The following WIPF2 variants were observed in gnomAD, a reference collection of about 807,000 sequenced individuals.
The protein encoded by WIPF2 is WAS/WASL-interacting protein family member 2.
Under a neutral mutation model 38.8 loss-of-function variants are expected in WIPF2, and 23 were observed. The observed-to-expected ratio is 0.59, with a 90% CI of 0.43 to 0.84. The LOEUF is 0.84. Ranked by LOEUF, WIPF2 falls within the 40% of genes least tolerant of loss-of-function variation. The pLI, the probability that WIPF2 is intolerant of heterozygous loss-of-function variation, is 0.00. For missense variants in WIPF2, 574 were observed against 580.5 expected (o/e 0.99, Z 0.11); for synonymous variants, 210 against 223.2 (o/e 0.94, Z 0.53).
chr17:40,243,755 G>A (rs1234455785), intron 1 of WIPF2, among the ~76,000 whole-genome samples: 8 of 151,554 alleles, frequency 5.3e-5, no homozygotes, highest in African/African-American at 1.7e-4. Flanking sequence ...TCCTGACCTC[G>A]GGTGATCCAC....
intron 1 of WIPF2, among the ~76,000 whole-genome samples, chr17:40,231,297 G>A (rs1232359900): frequency 6.6e-6 from 1 of 152,044 alleles, no homozygotes; most frequent in African/African-American, 2.4e-5. Context: ...CATGACACTT[G>A]TCTCCATGTG....
rs1009655826 is a variant in WIPF2 at position 40,222,573 on chromosome 17, A to ATGTG, written c.-70+3091_-70+3094dup. On this transcript the variant is annotated intron_variant, in intron 1 of 7. Transcript: ENST00000323571. ...CTGTTTCTTCCTCTTAGCCTTGCTC[A>ATGTG]TGTGTGTGTGTGTTTGTGTGTGTGT... Among the ~76,000 whole-genome samples, 10 of 140,052 alleles carry ATGTG rather than the reference A, an allele frequency of 7.1e-5. No homozygotes were observed. In the South Asian group the frequency reaches 1.4e-3, roughly 20 times the overall value. 91.9% of individuals were successfully genotyped at this position (140,052 alleles called of 152,430 possible).
chr17:40,222,234 A>G (rs2030264657), intron 1 of WIPF2, among the ~76,000 whole-genome samples: 1 of 151,342 alleles, frequency 6.6e-6, no homozygotes. Flanking sequence ...TTGTATTTTT[A>G]GTAGAGACAG....
At position 40,283,400 on chromosome 17, in the gene WIPF2, A is replaced by G. The variant is rs1378164827; in HGVS notation, c.*5175A>G. The G allele has an allele frequency of 6.6e-6, 1 of 151,770 alleles. No homozygotes were observed. The highest frequency in any genetic ancestry group is 1.5e-5 in the Non-Finnish European group (1 of 68,012). The allele number at this position is 151,770 out of a possible 1,614,324, so 9.4% of individuals were successfully genotyped here. Reference sequence around the variant, plus strand: ...GCTGGGACCACAGGTGTGTACCACTATGCCTGGCTAATTTTGAAAATTTTT... The same window carrying G: ...GCTGGGACCACAGGTGTGTACCACTGTGCCTGGCTAATTTTGAAAATTTTT... On this transcript the variant is annotated 3_prime_UTR_variant, in exon 8 of 8. Transcript: ENST00000323571.
chr17:40,221,214 C>T (rs1273633289), intron 1 of WIPF2, among the ~76,000 whole-genome samples: 1 of 152,088 alleles, frequency 6.6e-6, no homozygotes, highest in Non-Finnish European at 1.5e-5. Context: ...ATGTTTTTGG[C>T]TATTCTGTTC....
At chr17:40,222,844 G>C (rs1281731729) in intron 1 of WIPF2, among the ~76,000 whole-genome samples, 2 of 147,842 alleles carry the variant, frequency 1.4e-5, no homozygotes, top group Non-Finnish European at 3.0e-5. Flanking sequence ...CTAATTTTTT[G>C]TATTTTAGTA....
intron 1 of WIPF2, among the ~76,000 whole-genome samples, chr17:40,222,691 A>G (rs1317805479): frequency 3.2e-4 from 27 of 84,906 alleles, no homozygotes; most frequent in Middle Eastern, 0.014. Flanking sequence ...TTTTTTTGAG[A>G]CAGAGTTTCG....
intron 5 of WIPF2, among the ~76,000 whole-genome samples, chr17:40,270,365 CAAAAAAAAA>C (rs574916961): frequency 8.2e-4 from 56 of 68,384 alleles, no homozygotes; most frequent in African/African-American, 3.0e-3. Flanking sequence ...GACTCCGTCT[CAAAAAAAAA>C]AAAAAAAAAG....
chr17:40,251,601 C>CT (rs958940283), intron 1 of WIPF2, among the ~76,000 whole-genome samples: 63 of 152,266 alleles, frequency 4.1e-4, no homozygotes, highest in African/African-American at 1.5e-3. Context: ...CTAAACCACA[C>CT]TAATTTCCAG....
chr17:40,239,293 G>A (rs888100035), intron 1 of WIPF2, among the ~76,000 whole-genome samples: 7 of 150,532 alleles, frequency 4.7e-5, no homozygotes, highest in Admixed American at 2.0e-4. Context: ...GGATGGTCTC[G>A]ATCTCCTGAC....
chr17:40,254,910 C>T (rs1426271003), intron 1 of WIPF2, among the ~76,000 whole-genome samples: 4 of 151,770 alleles, frequency 2.6e-5, no homozygotes, highest in Admixed American at 6.6e-5. Flanking sequence ...TTTGCATTTT[C>T]AGTAGACATG....
intron 2 of WIPF2, among the ~76,000 whole-genome samples, chr17:40,259,119 T>C (rs1227895652): frequency 6.8e-6 from 1 of 147,370 alleles, no homozygotes; most frequent in East Asian, 2.1e-4. Context: ...CTTCAAGTGA[T>C]CCTTTTGCCT....
rs774324531 is a variant in WIPF2 at position 40,262,632 on chromosome 17, G to A, written c.304G>A (p.Asp102Asn). 5.0e-6 allele frequency: 8 copies of A among 1,613,460 alleles called. No homozygotes were observed. The highest frequency in any genetic ancestry group is 1.7e-5 in the Admixed American group (1 of 59,978). ...VLKLRPVGAK[D>N]GSENLAGKPA... is the part of the protein sequence containing the mutation. ...GAAGCTTCGACCTGTGGGAGCCAAGGATGGTTCAGGTATCTGATGAGTACT... is the reference window on the plus strand; with the variant it reads ...GAAGCTTCGACCTGTGGGAGCCAAGAATGGTTCAGGTATCTGATGAGTACT... Residue 102 changes from aspartate (D) to asparagine (N), a missense_variant, in exon 4 of 8, where the codon GAT becomes AAT. Asp to Asn is a conservative substitution (Grantham distance 23). Coordinates refer to ENST00000323571, the MANE Select transcript of WIPF2 (RefSeq NM_133264.5).
intron 3 of WIPF2, 89 bp downstream of exon 3, chr17:40,260,756 G>C: frequency 6.4e-7 from 1 of 1,558,240 alleles, no homozygotes; most frequent in Non-Finnish European, 8.8e-7. Flanking sequence ...ATTGGGCCTT[G>C]AGTGGGAGAG....
chr17:40,231,403 A>G (rs1212608903), intron 1 of WIPF2, among the ~76,000 whole-genome samples: 1 of 144,162 alleles, frequency 6.9e-6, no homozygotes, highest in Non-Finnish European at 1.5e-5. Context: ...CTTCTATCTG[A>G]CTGTTCTCTG....
intron 1 of WIPF2, among the ~76,000 whole-genome samples, chr17:40,255,783 C>T (rs2031705686): frequency 6.6e-6 from 1 of 151,850 alleles, no homozygotes; most frequent in African/African-American, 2.4e-5. Flanking sequence ...CGCCCACCAC[C>T]ACACCGCTAC....
chr17:40,252,928 G>A (rs763639277), intron 1 of WIPF2, among the ~76,000 whole-genome samples: 1 of 151,204 alleles, frequency 6.6e-6, no homozygotes, highest in Non-Finnish European at 1.5e-5. Flanking sequence ...ACCATGCCTG[G>A]CTAATTTTGT....
chr17:40,273,756 A>AT (rs1567725267), intron 5 of WIPF2, 34 bp from the exon 6 acceptor site: 1 of 1,445,148 alleles, frequency 6.9e-7, no homozygotes, highest in African/African-American at 1.4e-5. Flanking sequence ...CCGTCTCCAC[A>AT]TCCAAACCTA....
chr17:40,261,691 GT>G (rs1169332747), intron 3 of WIPF2, among the ~76,000 whole-genome samples: 30 of 118,222 alleles, frequency 2.5e-4, no homozygotes, highest in South Asian at 5.5e-4. Flanking sequence ...GGTTTTTTTT[GT>G]TTTTTTTTTT....
Sources: allele counts gnomAD v4.1 joint callset (sites outside exome capture counted in the v4.1 genomes callset), GRCh38; gene constraint gnomAD v4.1.1; transcripts MANE v1.5; gene names NCBI Gene and HGNC (gene_info 2026-07-23, HGNC 2026-07-21).